RBPMS: variants seen among roughly 807,000 people sequenced by gnomAD.
RBPMS encodes the protein RNA binding protein, mRNA processing factor.
Under a neutral mutation model 26.8 loss-of-function variants are expected in RBPMS, and 7 were observed. That is an observed-to-expected ratio of 0.26 (90% CI 0.15 to 0.49). The LOEUF is 0.49. RBPMS is among the 20% of genes least tolerant of loss of function. RBPMS has a pLI of 0.98. For synonymous variants in RBPMS, 96 were observed against 93.3 expected, an observed-to-expected ratio of 1.03 and a Z score of -0.17; for missense variants, 186 against 250.0, an observed-to-expected ratio of 0.74 and a Z score of 1.73.
intron 1 of RBPMS, among the ~76,000 whole-genome samples, chr8:30,416,930 C>G (rs1202485224): frequency 6.6e-6 from 1 of 152,058 alleles, no homozygotes; most frequent in Non-Finnish European, 1.5e-5. Flanking sequence ...CCACTATGCC[C>G]AGCTAATTTG....
chr8:30,449,143 TC>T (rs1269094336), intron 1 of RBPMS, among the ~76,000 whole-genome samples: 1 of 152,206 alleles, frequency 6.6e-6, no homozygotes, highest in Admixed American at 6.5e-5. Context: ...TGGCACGTAT[TC>T]CTTCAATGCT....
In RBPMS at chr8:30,462,493, G is replaced by C. The variant is rs145770938; in HGVS notation, c.67-12286G>C. ...GGCTAGAGTGTAATGGTGCAATCTC[G>C]GCTCACTCCAACCTCCTCCTCCTGG... On this transcript the variant is annotated intron_variant, in intron 1 of 8. Coordinates refer to ENST00000397323, the MANE Select transcript of RBPMS (RefSeq NM_001008710.3). Among the ~76,000 whole-genome samples, 15 of 151,816 alleles carry C rather than the reference G, an allele frequency of 9.9e-5. No homozygotes were observed. In the East Asian group the frequency reaches 2.9e-3, roughly 29 times the overall value.
At chr8:30,461,046 GA>G (rs35028246) in intron 1 of RBPMS, among the ~76,000 whole-genome samples, 66,018 of 138,242 alleles carry the variant, frequency 0.48, 14,757 homozygotes, top group Middle Eastern at 0.59. Flanking sequence ...GACCCCATCT[GA>G]AAAAAAAAAA....
chr8:30,533,932 G>A (rs1042062070), intron 5 of RBPMS, among the ~76,000 whole-genome samples: 1 of 152,062 alleles, frequency 6.6e-6, no homozygotes, highest in African/African-American at 2.4e-5. Flanking sequence ...AGGAGTTCGA[G>A]ACCAGCCTGG....
chr8:30,563,763 A>T (rs1402398480), intron 7 of RBPMS, among the ~76,000 whole-genome samples: 1 of 152,164 alleles, frequency 6.6e-6, no homozygotes, highest in African/African-American at 2.4e-5. Context: ...TTAGAGCTTA[A>T]CAAGGAGGAA....
At chr8:30,456,540 A>G (rs1815239497) in intron 1 of RBPMS, among the ~76,000 whole-genome samples, 1 of 152,214 alleles carries the variant, frequency 6.6e-6, no homozygotes, top group African/African-American at 2.4e-5. Flanking sequence ...TAACATACAT[A>G]TACAGTCTTT....
At chr8:30,536,409 G>A (rs1316390072) in intron 5 of RBPMS, among the ~76,000 whole-genome samples, 1 of 152,122 alleles carries the variant, frequency 6.6e-6, no homozygotes, top group Non-Finnish European at 1.5e-5. Context: ...CTATAAGCGT[G>A]AGCCACCGCG....
chr8:30,558,506 C>CA, intron 6 of RBPMS: 1 of 338,816 alleles, frequency 3.0e-6, no homozygotes, highest in South Asian at 3.1e-5. Context: ...TATGTTTCCA[C>CA]ACTCTGCTTA....
At chr8:30,480,723 A>C (rs1818184445) in intron 4 of RBPMS, among the ~76,000 whole-genome samples, 1 of 152,202 alleles carries the variant, frequency 6.6e-6, no homozygotes, top group African/African-American at 2.4e-5. Context: ...TTTGATATAA[A>C]AGTTGTTTTA....
intron 1 of RBPMS, among the ~76,000 whole-genome samples, chr8:30,410,993 C>T (rs145961278): frequency 3.9e-5 from 6 of 152,060 alleles, no homozygotes; most frequent in Non-Finnish European, 1.5e-5. Flanking sequence ...TCTGCCTTGG[C>T]CTTTCAAGAC....
At chr8:30,542,957 T>C (rs936226013) in intron 5 of RBPMS, among the ~76,000 whole-genome samples, 1 of 152,198 alleles carries the variant, frequency 6.6e-6, no homozygotes, top group Non-Finnish European at 1.5e-5. Flanking sequence ...GCTTTCACCC[T>C]GACTAATAAT....
At chr8:30,559,190 T>C (rs1827240943) in intron 7 of RBPMS, among the ~76,000 whole-genome samples, 1 of 152,228 alleles carries the variant, frequency 6.6e-6, no homozygotes, top group Non-Finnish European at 1.5e-5. Context: ...AACCAGTACC[T>C]GGCCTCCCCA....
intron 1 of RBPMS, among the ~76,000 whole-genome samples, chr8:30,451,334 T>C (rs1052940044): frequency 1.5e-4 from 23 of 152,220 alleles, no homozygotes; most frequent in Non-Finnish European, 2.9e-5. Context: ...AAATGACATA[T>C]TATCAAGAAT....
At chr8:30,534,648 G>A (rs192222607) in intron 5 of RBPMS, among the ~76,000 whole-genome samples, 16 of 152,298 alleles carry the variant, frequency 1.1e-4, no homozygotes, top group Non-Finnish European at 2.2e-4. Context: ...AATTCCTCAC[G>A]TGGCTCACAG....
At chr8:30,465,565 T>C (rs1296939274) in intron 1 of RBPMS, among the ~76,000 whole-genome samples, 1 of 152,206 alleles carries the variant, frequency 6.6e-6, no homozygotes, top group Non-Finnish European at 1.5e-5. Flanking sequence ...GGCAGGTGGA[T>C]TACCTGAGGT....
At chr8:30,464,755 G>C (rs1225477077) in intron 1 of RBPMS, among the ~76,000 whole-genome samples, 1 of 152,154 alleles carries the variant, frequency 6.6e-6, no homozygotes, top group Admixed American at 6.5e-5. Context: ...TATGCAAAAA[G>C]AGAAAGGAAG....
At chr8:30,506,336 T>TTA (rs778979562) in intron 5 of RBPMS, among the ~76,000 whole-genome samples, 8 of 132,132 alleles carry the variant, frequency 6.1e-5, no homozygotes, top group African/African-American at 2.3e-4. Flanking sequence ...ATTTGAAGTT[T>TTA]AAAAAAAAAA....
In RBPMS at chr8:30,456,160, T is replaced by C. The variant is rs191578470; in HGVS notation, c.67-18619T>C. Among the ~76,000 whole-genome samples, 121 of 152,354 alleles carry C rather than the reference T, an allele frequency of 7.9e-4. 1 individual carries two copies. The highest frequency in any genetic ancestry group is 2.4e-3 in the African/African-American group (100 of 41,584). On this transcript the variant is annotated intron_variant, in intron 1 of 8. Transcript: ENST00000397323. ...TGTGTGTCTTTCTGTGTGTATGTTATATATTTATCTGATATTTGTTGTTTT... is the reference window on the plus strand; with the variant it reads ...TGTGTGTCTTTCTGTGTGTATGTTACATATTTATCTGATATTTGTTGTTTT...
At chr8:30,538,811 T>C (rs2151030638) in intron 5 of RBPMS, among the ~76,000 whole-genome samples, 1 of 152,290 alleles carries the variant, frequency 6.6e-6, no homozygotes, top group Admixed American at 6.5e-5. Context: ...TGTCTCAAGA[T>C]TCCTAAATCA....
Sources: allele counts gnomAD v4.1 joint callset (sites outside exome capture counted in the v4.1 genomes callset), GRCh38; gene constraint gnomAD v4.1.1; transcripts MANE v1.5; gene names NCBI Gene and HGNC (gene_info 2026-07-23, HGNC 2026-07-21).